C1QTNF3: variants seen among roughly 807,000 people sequenced by gnomAD.
The protein encoded by C1QTNF3 is complement C1q tumor necrosis factor-related protein 3.
C1QTNF3 carries 26 observed loss-of-function variants against 32.6 expected under a neutral mutation model. The ratio of observed to expected loss-of-function variants is 0.80; its 90% confidence interval spans 0.58 to 1.11. The LOEUF (loss-of-function observed/expected upper bound fraction) is 1.11, where lower values mean the gene tolerates loss of function less well. C1QTNF3 is among the 50% of genes least tolerant of loss of function. The probability of loss-of-function intolerance (pLI) is 0.00; values close to 1 mark genes in which losing one functional copy is unlikely to be tolerated. For missense variants in C1QTNF3, 362 were observed against 398.2 expected, an observed-to-expected ratio of 0.91 and a Z score of 0.77; for synonymous variants, 155 against 146.0, an observed-to-expected ratio of 1.06 and a Z score of -0.44.
At chr5:34,063,989 C>T in the C1QTNF3 span, among the ~76,000 whole-genome samples, 1 of 152,092 alleles carries the variant, frequency 6.6e-6, no homozygotes, top group African/African-American at 2.4e-5. Flanking sequence ...CAGCTAATGC[C>T]AGGAGTTCAG....
the C1QTNF3 span, among the ~76,000 whole-genome samples, chr5:34,051,793 T>C: frequency 1.8e-4 from 28 of 152,304 alleles, no homozygotes; most frequent in African/African-American, 5.8e-4. Context: ...TTCTGGCCAA[T>C]GGGTGTGGGT....
chr5:34,111,682 T>C, the C1QTNF3 span, among the ~76,000 whole-genome samples: 8,869 of 151,788 alleles, frequency 0.058, 818 homozygotes, highest in African/African-American at 0.19. Flanking sequence ...AAGAGTGTTT[T>C]CTGCTTACAT....
the C1QTNF3 span, among the ~76,000 whole-genome samples, chr5:34,121,220 T>C: frequency 2.0e-5 from 3 of 152,216 alleles, no homozygotes; most frequent in South Asian, 2.1e-4. Context: ...ATTAACATGT[T>C]TTGTCAAAGG....
chr5:34,036,333 T>C (rs1408646003), intron 1 of C1QTNF3, among the ~76,000 whole-genome samples: 1 of 152,216 alleles, frequency 6.6e-6, no homozygotes, highest in African/African-American at 2.4e-5. Context: ...ATAAAGTATT[T>C]TTTAGTCCAA....
the C1QTNF3 span, among the ~76,000 whole-genome samples, chr5:34,224,776 G>A: frequency 6.6e-6 from 1 of 152,110 alleles, no homozygotes; most frequent in South Asian, 2.1e-4. Flanking sequence ...CAAAAGCAAT[G>A]GCAACAAAAG....
At chr5:34,189,187 GCC>G in the C1QTNF3 span, among the ~76,000 whole-genome samples, 2 of 148,016 alleles carry the variant, frequency 1.4e-5, no homozygotes, top group African/African-American at 5.0e-5. Context: ...ATAGGCATAA[GCC>G]ACCACACCCG....
At chr5:34,238,484 A>C in the C1QTNF3 span, among the ~76,000 whole-genome samples, 4 of 152,196 alleles carry the variant, frequency 2.6e-5, no homozygotes, top group Admixed American at 2.6e-4. Flanking sequence ...AGAATTTTAT[A>C]ATACAATAAG....
the C1QTNF3 span, among the ~76,000 whole-genome samples, chr5:34,183,322 ATTTTCTT>A: frequency 7.7e-6 from 1 of 129,438 alleles, no homozygotes. Flanking sequence ...TAATTTTTTA[ATTTTCTT>A]TTTTTTTTTT....
At chr5:34,073,413 T>C in the C1QTNF3 span, among the ~76,000 whole-genome samples, 1 of 152,212 alleles carries the variant, frequency 6.6e-6, no homozygotes, top group Non-Finnish European at 1.5e-5. Flanking sequence ...TTTATAAATT[T>C]TGGGTTAAAC....
At chr5:34,065,486 G>T in the C1QTNF3 span, among the ~76,000 whole-genome samples, 1 of 152,096 alleles carries the variant, frequency 6.6e-6, no homozygotes, top group African/African-American at 2.4e-5. Context: ...GACCAACAAG[G>T]TGAAACCCCA....
the C1QTNF3 span, among the ~76,000 whole-genome samples, chr5:34,075,305 T>C: frequency 1.3e-5 from 2 of 151,728 alleles, no homozygotes; most frequent in Admixed American, 6.6e-5. Flanking sequence ...AACTAGTGTC[T>C]AGGAAATAAA....
chr5:34,235,948 T>C, the C1QTNF3 span, among the ~76,000 whole-genome samples: 1 of 152,190 alleles, frequency 6.6e-6, no homozygotes, highest in African/African-American at 2.4e-5. Context: ...AGGAAAAGCA[T>C]TGCTCCTTTA....
At chr5:34,084,537 G>C in the C1QTNF3 span, among the ~76,000 whole-genome samples, 1 of 151,342 alleles carries the variant, frequency 6.6e-6, no homozygotes, top group Non-Finnish European at 1.5e-5. Context: ...CCTACATAAG[G>C]GCGAAGCTTC....
chr5:34,080,877 G>A, the C1QTNF3 span, among the ~76,000 whole-genome samples: 3 of 151,712 alleles, frequency 2.0e-5, no homozygotes, highest in Admixed American at 6.6e-5. Context: ...CTCAACACAC[G>A]TCTCAAGAAA....
At chr5:34,027,812 G>A (rs1480343329) in intron 4 of C1QTNF3, among the ~76,000 whole-genome samples, 1 of 147,536 alleles carries the variant, frequency 6.8e-6, no homozygotes, top group African/African-American at 2.5e-5. Context: ...AATATACTTT[G>A]GTACATTCAG....
the C1QTNF3 span, among the ~76,000 whole-genome samples, chr5:34,118,318 A>G: frequency 6.6e-6 from 1 of 152,148 alleles, no homozygotes; most frequent in Admixed American, 6.5e-5. Flanking sequence ...ACCCCAAATG[A>G]TCCACCTGCC....
At chr5:34,203,699 A>G in the C1QTNF3 span, among the ~76,000 whole-genome samples, 2 of 152,044 alleles carry the variant, frequency 1.3e-5, no homozygotes, top group Admixed American at 6.6e-5. Flanking sequence ...GTAAAAAAAA[A>G]AAAGAAAGGT....
chr5:34,213,772 TAC>T, the C1QTNF3 span, among the ~76,000 whole-genome samples: 4 of 58,364 alleles, frequency 6.9e-5, no homozygotes, highest in African/African-American at 1.0e-4. Context: ...CACACACACA[TAC>T]GTGTATATAT....
At chr5:34,022,290 G>A (rs927567415) in intron 5 of C1QTNF3, among the ~76,000 whole-genome samples, 6 of 152,226 alleles carry the variant, frequency 3.9e-5, no homozygotes, top group African/African-American at 1.4e-4. Flanking sequence ...CCAGAGGCTT[G>A]GGCTGTTTGA....
Sources: gnomAD v4.1 joint callset for allele counts (sites outside exome capture counted in the v4.1 genomes callset) on GRCh38, gnomAD v4.1.1 for gene constraint, MANE v1.5 for transcripts, NCBI Gene and HGNC (gene_info 2026-07-23, HGNC 2026-07-21) for gene names.